The following DGKB variants were observed in gnomAD, a reference collection of about 807,000 sequenced individuals.
DGKB encodes the protein 90 kDa diacylglycerol kinase.
In DGKB, 67 loss-of-function variants were observed where a neutral mutation model predicts 114.3. The ratio of observed to expected loss-of-function variants is 0.59; its 90% CI spans 0.48 to 0.72. The LOEUF is 0.72. Ranked by LOEUF, DGKB falls within the 30% of genes least tolerant of loss-of-function variation. The probability of loss-of-function intolerance (pLI) is 0.00; values close to 1 mark genes in which losing one functional copy is unlikely to be tolerated. For missense variants in DGKB, 907 were observed against 975.2 expected (o/e 0.93, Z 0.93); for synonymous variants, 398 against 323.1 (o/e 1.23, Z -2.49).
intron 1 of DGKB, among the ~76,000 whole-genome samples, chr7:14,874,973 C>T (rs1853054176): frequency 6.6e-6 from 1 of 151,990 alleles, no homozygotes; most frequent in African/African-American, 2.4e-5. Flanking sequence ...AATTAAACAG[C>T]TAGATATTTT....
At chr7:14,222,219 G>A (rs1790095790) in intron 23 of DGKB, among the ~76,000 whole-genome samples, 1 of 147,316 alleles carries the variant, frequency 6.8e-6, no homozygotes, top group African/African-American at 2.5e-5. Flanking sequence ...TTCTTTTTTT[G>A]TTTTGCAGTG....
intron 21 of DGKB, among the ~76,000 whole-genome samples, chr7:14,403,828 G>C (rs747385866): frequency 3.3e-5 from 5 of 151,878 alleles, no homozygotes; most frequent in Non-Finnish European, 7.4e-5. Context: ...AATCTGGCTA[G>C]ACAAAGACAC....
chr7:14,747,749 T>C (rs1833513114), intron 4 of DGKB, among the ~76,000 whole-genome samples: 1 of 119,908 alleles, frequency 8.3e-6, no homozygotes, highest in African/African-American at 4.0e-5. Flanking sequence ...AAAATTGAAT[T>C]GCTGTGGGCT....
At chr7:14,651,450 C>T (rs959509067) in intron 13 of DGKB, among the ~76,000 whole-genome samples, 1 of 140,350 alleles carries the variant, frequency 7.1e-6, no homozygotes, top group African/African-American at 2.6e-5. Flanking sequence ...ATTCAACAAC[C>T]CTTCATGCTA....
intron 1 of DGKB, among the ~76,000 whole-genome samples, chr7:14,864,567 G>A (rs1040871066): frequency 1.3e-5 from 2 of 152,184 alleles, no homozygotes; most frequent in Non-Finnish European, 2.9e-5. Context: ...TACAAATAGA[G>A]TTATGCCCAG....
intron 5 of DGKB, among the ~76,000 whole-genome samples, chr7:14,722,667 C>T (rs771767835): frequency 6.6e-6 from 1 of 152,026 alleles, no homozygotes; most frequent in Non-Finnish European, 1.5e-5. Context: ...CAAAAATTAG[C>T]TGGGCGCGGT....
At chr7:14,397,404 T>G (rs1583636700) in intron 21 of DGKB, among the ~76,000 whole-genome samples, 1 of 152,124 alleles carries the variant, frequency 6.6e-6, no homozygotes, top group South Asian at 2.1e-4. Context: ...TTTTCCATAG[T>G]CCAGTTGTTA....
chr7:14,330,387 C>G (rs180935113), intron 23 of DGKB, among the ~76,000 whole-genome samples: 1 of 151,934 alleles, frequency 6.6e-6, no homozygotes, highest in Admixed American at 6.6e-5. Context: ...TGGATTTTGC[C>G]CATTTTCCTA....
At position 14,200,577 on chromosome 7, in the gene DGKB, C is replaced by T. The variant is rs142032684; in HGVS notation, c.2123-22426G>A. On this transcript the variant is annotated intron_variant, in intron 23 of 25. Coordinates refer to ENST00000402815, the MANE Select transcript of DGKB (RefSeq NM_001350709.2). ...TTATCTCAATGTTTATTTTCTTATA[C>T]ATATTGTTTCATAATACTACATATG... Among the ~76,000 whole-genome samples the T allele has an allele frequency of 3.7e-3, 564 of 152,072 alleles. 1 individual carries two copies. The highest frequency in any genetic ancestry group is 0.013 in the African/African-American group (532 of 41,486).
At chr7:14,950,016 G>A (rs1375022518) in intron 1 of DGKB, among the ~76,000 whole-genome samples, 4 of 151,822 alleles carry the variant, frequency 2.6e-5, no homozygotes, top group Non-Finnish European at 2.9e-5. Context: ...ATGAGTTAAT[G>A]CGTGCAGCAC....
At chr7:14,262,163 A>C (rs2128414775) in intron 23 of DGKB, among the ~76,000 whole-genome samples, 1 of 152,352 alleles carries the variant, frequency 6.6e-6, no homozygotes, top group East Asian at 1.9e-4. Context: ...AGCCTAAAAA[A>C]GGAAACCCAG....
chr7:14,366,614 A>G (rs549546631), intron 21 of DGKB, among the ~76,000 whole-genome samples: 1 of 152,268 alleles, frequency 6.6e-6, no homozygotes, highest in Non-Finnish European at 1.5e-5. Context: ...AAAAAAATTG[A>G]CAAATCTTTG....
At chr7:14,449,361 CTG>C (rs1375256048) in intron 21 of DGKB, among the ~76,000 whole-genome samples, 1 of 152,012 alleles carries the variant, frequency 6.6e-6, no homozygotes, top group African/African-American at 2.4e-5. Flanking sequence ...ACAGACGAAA[CTG>C]TGTCTTTGAG....
chr7:14,292,872 G>C (rs1451534866), intron 23 of DGKB, among the ~76,000 whole-genome samples: 3 of 152,138 alleles, frequency 2.0e-5, no homozygotes, highest in Non-Finnish European at 2.9e-5. Flanking sequence ...ACAGAGGTTT[G>C]ACCACTACCT....
At chr7:14,842,786 G>A (rs1237049919) in intron 1 of DGKB, among the ~76,000 whole-genome samples, 1 of 152,154 alleles carries the variant, frequency 6.6e-6, no homozygotes, top group Non-Finnish European at 1.5e-5. Context: ...AATGTTGAGT[G>A]GAGTGATTCA....
chr7:14,841,167 T>A, intron 2 of DGKB, 27 bp downstream of exon 2: 2 of 1,568,710 alleles, frequency 1.3e-6, no homozygotes, highest in Non-Finnish European at 1.7e-6. Context: ...TGTCAAATAA[T>A]CTCATAATAT....
chr7:14,514,835 C>T (rs1788525580), intron 20 of DGKB, among the ~76,000 whole-genome samples: 2 of 151,980 alleles, frequency 1.3e-5, no homozygotes, highest in South Asian at 2.1e-4. Context: ...AGGAGGACTG[C>T]TTGAGCCCAG....
At chr7:14,821,143 G>C (rs1161159862) in intron 2 of DGKB, among the ~76,000 whole-genome samples, 1 of 152,090 alleles carries the variant, frequency 6.6e-6, no homozygotes, top group East Asian at 1.9e-4. Flanking sequence ...AGTTAGAAGA[G>C]TTTATTTTTG....
intron 4 of DGKB, among the ~76,000 whole-genome samples, chr7:14,743,286 G>C (rs901555958): frequency 6.6e-6 from 1 of 152,136 alleles, no homozygotes; most frequent in African/African-American, 2.4e-5. Context: ...CATGTGCCTT[G>C]TAAATAGACT....
Sources: gnomAD v4.1 joint callset for allele counts (sites outside exome capture counted in the v4.1 genomes callset) on GRCh38, gnomAD v4.1.1 for gene constraint, MANE v1.5 for transcripts, NCBI Gene and HGNC (gene_info 2026-07-23, HGNC 2026-07-21) for gene names.